Variants in KCNQ1 observed in about 807,000 individuals in gnomAD.
KCNQ1 encodes potassium voltage-gated channel subfamily KQT member 1.
KCNQ1 carries 49 observed loss-of-function variants against 72.4 expected under a neutral mutation model. The ratio of observed to expected loss-of-function variants is 0.68; its 90% CI spans 0.54 to 0.86. KCNQ1 has a LOEUF of 0.86. KCNQ1 is among the 40% of genes least tolerant of loss of function. KCNQ1 has a pLI of 0.00. For missense variants in KCNQ1, 790 were observed against 945.1 expected (o/e 0.84, Z 2.15); for synonymous variants, 450 against 412.6 (o/e 1.09, Z -1.10).
At chr11:2,568,393 T>G (rs890424845) in intron 2 of KCNQ1, among the ~76,000 whole-genome samples, 1 of 152,194 alleles carries the variant, frequency 6.6e-6, no homozygotes, top group Non-Finnish European at 1.5e-5. Flanking sequence ...CCGCTATGCC[T>G]CCCCATCAAG....
In KCNQ1 at chr11:2,592,748, C is replaced by T. The variant is rs1338191034; in HGVS notation, c.1393+3894C>T. 6.6e-6 allele frequency among the ~76,000 whole-genome samples: 1 copy of T among 152,202 alleles called. No individual in the cohort carries two copies. Among genetic ancestry groups the T allele is most frequent in the African/African-American group, 2.4e-5 (1 of 41,458 alleles). ...CCTGACACTCACAGCCCGGCTGCTGCTGCCTTGGGCGTCCTGAAGATCCTC... is the reference window on the plus strand; with the variant it reads ...CCTGACACTCACAGCCCGGCTGCTGTTGCCTTGGGCGTCCTGAAGATCCTC... On this transcript the variant is annotated intron_variant, in intron 10 of 15. Coordinates refer to ENST00000155840, the MANE Select transcript of KCNQ1 (RefSeq NM_000218.3). The surrounding 1 kb of genome is among the most constrained non-coding windows in gnomAD (Gnocchi z 5.2).
rs1850153399 is a variant in KCNQ1 at position 2,670,070 on chromosome 11, G to A, written c.1514+7989G>A. 1 of 398,672 alleles carries A rather than the reference G, an allele frequency of 2.5e-6. No homozygotes were observed. Among genetic ancestry groups the A allele is most frequent in the Admixed American group, 4.4e-5 (1 of 22,730 alleles). 24.7% of individuals were successfully genotyped at this position (398,672 alleles called of 1,614,324 possible). ...ACTCACTATTCTGCTCTGGGGAGGG[G>A]GTTGGAGGCAGAATCAGTGGACTGT... On this transcript the variant is annotated intron_variant, in intron 11 of 15. Coordinates refer to ENST00000155840, the MANE Select transcript of KCNQ1 (RefSeq NM_000218.3). This position sits in a 1 kb window ranked among gnomAD's most constrained non-coding sequence, Gnocchi z 4.9.
intron 15 of KCNQ1, among the ~76,000 whole-genome samples, chr11:2,778,909 C>T (rs925164190): frequency 8.5e-5 from 13 of 152,272 alleles, no homozygotes; most frequent in African/African-American, 2.9e-4. Context: ...GGCTCCTGCT[C>T]CTGCCCCACC....
chr11:2,465,051 C>T (rs1053232761), intron 1 of KCNQ1, among the ~76,000 whole-genome samples: 6 of 152,222 alleles, frequency 3.9e-5, no homozygotes, highest in Non-Finnish European at 7.3e-5. Context: ...GGGTAACGGC[C>T]GCTCCTTCAG....
chr11:2,848,925 T>C lies in KCNQ1; in HGVS notation c.*922T>C, dbSNP rs984855368. The C allele has an allele frequency of 1.3e-5, 6 of 454,012 alleles. No homozygotes were observed. The highest frequency in any genetic ancestry group is 1.8e-5 in the Non-Finnish European group (4 of 226,796). 28.1% of individuals were successfully genotyped at this position (454,012 alleles called of 1,614,324 possible). On this transcript the variant is annotated 3_prime_UTR_variant, in exon 16 of 16. Coordinates refer to ENST00000155840, the MANE Select transcript of KCNQ1 (RefSeq NM_000218.3). ...GTGGTGATTTGGATCTGTGTTTTAATGAGTTTCACAGTGTGATTTTGATTA... is the reference window on the plus strand; with the variant it reads ...GTGGTGATTTGGATCTGTGTTTTAACGAGTTTCACAGTGTGATTTTGATTA...
intron 15 of KCNQ1, among the ~76,000 whole-genome samples, chr11:2,822,927 A>T (rs79872213): frequency 7.0e-5 from 8 of 115,064 alleles, no homozygotes; most frequent in South Asian, 2.2e-4. Context: ...CTGCTGAATT[A>T]AAAAAAAAAA....
rs1184323863 is a variant in KCNQ1, at chr11:2,713,836, A to G, written c.1514+51755A>G. ...ATATACCGTATTCTGGCCGTCTTAC[A>G]TTACTGCAATATTGCTTCCAGATGG... is the stretch of plus-strand genomic sequence containing the variant. On this transcript the variant is annotated intron_variant, in intron 11 of 15. Coordinates refer to ENST00000155840, the MANE Select transcript of KCNQ1 (RefSeq NM_000218.3). The surrounding 1 kb of genome is among the most constrained non-coding windows in gnomAD (Gnocchi z 5.6). 6.6e-6 allele frequency among the ~76,000 whole-genome samples: 1 copy of G among 152,254 alleles called. No homozygotes were observed. Among genetic ancestry groups the G allele is most frequent in the African/African-American group, 2.4e-5 (1 of 41,472 alleles).
In KCNQ1 at chr11:2,673,438, G is replaced by A. The variant is rs1850224196; in HGVS notation, c.1514+11357G>A. ...GCACCAGGCCTGGAGGTTCCAACTT[G>A]GTGTTGGGCCTCCTTGAGCCGGAAC... On this transcript the variant is annotated intron_variant, in intron 11 of 15. Transcript: ENST00000155840. The surrounding 1 kb of genome is among the most constrained non-coding windows in gnomAD (Gnocchi z 4.5). 7.5e-6 allele frequency: 3 copies of A among 398,562 alleles called. No homozygotes were observed. Among genetic ancestry groups the A allele is most frequent in the African/African-American group, 2.1e-5 (1 of 48,638 alleles). 24.7% of individuals were successfully genotyped at this position (398,562 alleles called of 1,614,324 possible).
intron 10 of KCNQ1, among the ~76,000 whole-genome samples, chr11:2,591,890 A>T (rs1332485356): frequency 6.6e-6 from 1 of 152,234 alleles, no homozygotes; most frequent in Non-Finnish European, 1.5e-5. Flanking sequence ...ACCCCTGATA[A>T]TCCGGAGTCC....
intron 11 of KCNQ1, chr11:2,662,301 A>G (rs1564849286): frequency 3.3e-6 from 2 of 603,578 alleles, no homozygotes; most frequent in Admixed American, 3.0e-5. Context: ...TCTTGTTTTG[A>G]CTTATGGAAA....
intron 11 of KCNQ1, among the ~76,000 whole-genome samples, chr11:2,730,274 T>C (rs986648411): frequency 3.9e-5 from 6 of 152,222 alleles, no homozygotes; most frequent in Non-Finnish European, 7.3e-5. Flanking sequence ...GGGACCATTT[T>C]AGCTTCTTAC....
At position 2,695,092 on chromosome 11, in the gene KCNQ1, A is replaced by G. The variant is rs1024865089; in HGVS notation, c.1514+33011A>G. 1 of 398,550 alleles carries G rather than the reference A, an allele frequency of 2.5e-6. No homozygotes were observed. Among genetic ancestry groups the G allele is most frequent in the African/African-American group, 2.1e-5 (1 of 48,608 alleles). 24.7% of individuals were successfully genotyped at this position (398,550 alleles called of 1,614,324 possible). A position where few individuals can be genotyped will look rare whatever the true frequency, so the allele number is the denominator to read the frequency against. ...ATTTTATTTCCTAGAAATAGAAGCC[A>G]CTAGAGGGTATCTGGCAGGAGAGTC... On this transcript the variant is annotated intron_variant, in intron 11 of 15. Coordinates refer to ENST00000155840, the MANE Select transcript of KCNQ1 (RefSeq NM_000218.3). The surrounding 1 kb of genome is among the most constrained non-coding windows in gnomAD (Gnocchi z 5.2).
At position 2,815,371 on chromosome 11, in the gene KCNQ1, T is replaced by C. The variant is rs1847593378; in HGVS notation, c.1795-32396T>C. Among the ~76,000 whole-genome samples the C allele has an allele frequency of 6.6e-6, 1 of 152,096 alleles. No individual in the cohort carries two copies. The highest frequency in any genetic ancestry group is 2.1e-4 in the South Asian group (1 of 4,822). On this transcript the variant is annotated intron_variant, in intron 15 of 15. Coordinates refer to ENST00000155840, the MANE Select transcript of KCNQ1 (RefSeq NM_000218.3). The surrounding 1 kb of genome is among the most constrained non-coding windows in gnomAD (Gnocchi z 5.4). ...GGTGGGGGGCTTGTCAGGGAGCTCA[T>C]GGGCACCTCTGGGTTCTAAGAAGCT...
At chr11:2,616,956 T>G (rs1849075292) in intron 10 of KCNQ1, 1 of 356,810 alleles carries the variant, frequency 2.8e-6, no homozygotes, top group East Asian at 4.0e-5. Flanking sequence ...GTACATTATC[T>G]TGTTGTGTTT....
chr11:2,657,791 C>CAGTCAGGTG lies in KCNQ1; in HGVS notation c.1394-4169_1394-4161dup, dbSNP rs1213568178. 5.0e-6 allele frequency: 2 copies of CAGTCAGGTG among 398,408 alleles called. No individual in the cohort carries two copies. Among genetic ancestry groups the CAGTCAGGTG allele is most frequent in the African/African-American group, 4.1e-5 (2 of 48,586 alleles). The allele number at this position is 398,408 out of a possible 1,614,324, so 24.7% of individuals were successfully genotyped here. ...TTAACTTGACACTTTTGAAGAATAC[C>CAGTCAGGTG]AGTCAGGTGTCATTGTCCCTCAGTT... On this transcript the variant is annotated intron_variant, in intron 10 of 15. Coordinates refer to ENST00000155840, the MANE Select transcript of KCNQ1 (RefSeq NM_000218.3). The surrounding 1 kb of genome is among the most constrained non-coding windows in gnomAD (Gnocchi z 4.8).
chr11:2,586,855 C>A (rs560177989), intron 8 of KCNQ1, among the ~76,000 whole-genome samples: 4 of 152,244 alleles, frequency 2.6e-5, no homozygotes, highest in Admixed American at 2.6e-4. Flanking sequence ...ACAAGGCCAC[C>A]AGGACATGTC....
chr11:2,695,511 A>C lies in KCNQ1; in HGVS notation c.1514+33430A>C. 1 of 398,374 alleles carries C rather than the reference A, an allele frequency of 2.5e-6. No individual in the cohort carries two copies. Among genetic ancestry groups the C allele is most frequent in the East Asian group, 3.6e-5 (1 of 28,072 alleles). The allele number at this position is 398,374 out of a possible 1,614,324, so 24.7% of individuals were successfully genotyped here. A position where few individuals can be genotyped will look rare whatever the true frequency, so the allele number is the denominator to read the frequency against. On this transcript the variant is annotated intron_variant, in intron 11 of 15. Transcript: ENST00000155840. This position sits in a 1 kb window ranked among gnomAD's most constrained non-coding sequence, Gnocchi z 5.2. ...GTGTACATCTAGTCCCCTGCTCCTA[A>C]CCACAGTGACCAGCTCCAACTGCCC...
At position 2,815,641 on chromosome 11, in the gene KCNQ1, C is replaced by T. The variant is rs1386012334; in HGVS notation, c.1795-32126C>T. Among the ~76,000 whole-genome samples the T allele has an allele frequency of 6.6e-6, 1 of 151,916 alleles. No homozygotes were observed. Among genetic ancestry groups the T allele is most frequent in the African/African-American group, 2.4e-5 (1 of 41,338 alleles). The stretch of plus-strand genomic sequence containing the variant: ...CAGTAGAGTTGCAGGGGGGCAGGCA[C>T]CATCGCCCCCAGCCCCAGGCTGACC... On this transcript the variant is annotated intron_variant, in intron 15 of 15. Coordinates refer to ENST00000155840, the MANE Select transcript of KCNQ1 (RefSeq NM_000218.3). This position sits in a 1 kb window ranked among gnomAD's most constrained non-coding sequence, Gnocchi z 5.4.
Position 2,690,669 on chromosome 11 carries a change from A to G in KCNQ1, c.1514+28588A>G, listed in dbSNP as rs1232491961. On this transcript the variant is annotated intron_variant, in intron 11 of 15. Transcript: ENST00000155840. The surrounding 1 kb of genome is among the most constrained non-coding windows in gnomAD (Gnocchi z 5.1). The stretch of plus-strand genomic sequence containing the variant: ...TGTCAGTGTATGTGTGTCAGTGCAC[A>G]TAGGTATAGGGGCTGTCTCTCAGAA... The G allele has an allele frequency of 1.0e-5, 4 of 398,556 alleles. No homozygotes were observed. Among genetic ancestry groups the G allele is most frequent in the Non-Finnish European group, 1.8e-5 (4 of 226,094 alleles). The allele number at this position is 398,556 out of a possible 1,614,324, so 24.7% of individuals were successfully genotyped here.
Sources: allele counts gnomAD v4.1 joint callset (sites outside exome capture counted in the v4.1 genomes callset), GRCh38; gene constraint gnomAD v4.1.1; non-coding constraint Gnocchi (gnomAD v3.1); transcripts MANE v1.5; gene names NCBI Gene and HGNC (gene_info 2026-07-23, HGNC 2026-07-21).